Variants in CEBPZOS observed in about 807,000 individuals in gnomAD.
CEBPZOS encodes the protein CEBPZ opposite strand, also known as protein CEBPZOS.
In CEBPZOS, 10 loss-of-function variants were observed where a neutral mutation model predicts 4.8. That is an observed-to-expected ratio of 2.07 (90% CI 1.28 to 3.52). The LOEUF is 3.52. Among genes scored for constraint, CEBPZOS ranks in the 30% most tolerant of loss-of-function variants. CEBPZOS has a pLI of 0.00. For missense variants in CEBPZOS, 98 were observed against 43.6 expected, an observed-to-expected ratio of 2.25 and a Z score of -3.51; for synonymous variants, 25 against 14.2, an observed-to-expected ratio of 1.77 and a Z score of -1.72.
At chr2:37,211,055 G>C (rs1677706054) in intron 4 of CEBPZOS, 3 of 1,611,290 alleles carry the variant, frequency 1.9e-6, no homozygotes, top group Non-Finnish European at 2.5e-6. Flanking sequence ...GCTTTTCTTA[G>C]TACTGACTTT....
At chr2:37,206,595 T>A (rs1256362297), downstream of CEBPZOS, among the ~76,000 whole-genome samples, 1 of 152,154 alleles carries the variant, frequency 6.6e-6, no homozygotes, top group East Asian at 1.9e-4. Flanking sequence ...TGACTTCAGG[T>A]GATGCCCGCC....
Position 37,203,145 on chromosome 2 carries a change from C to T in CEBPZOS, c.*1285C>T. 3 of 540,090 alleles carry T rather than the reference C, an allele frequency of 5.6e-6. No homozygotes were observed. The highest frequency in any genetic ancestry group is 9.6e-6 in the Non-Finnish European group (3 of 313,106). The allele number at this position is 540,090 out of a possible 1,614,324, so 33.5% of individuals were successfully genotyped here. A position where few individuals can be genotyped will look rare whatever the true frequency, so the allele number is the denominator to read the frequency against. On this transcript the variant is annotated 3_prime_UTR_variant, in exon 5 of 5. Coordinates refer to ENST00000402297, the MANE Select transcript of CEBPZOS (RefSeq NM_001322374.2). Reference sequence around the variant, plus strand: ...ATAATCTTCTGGCACCATTGGGTAGCTGGCATTTAAATATAATTTAAGAGT... The same window carrying T: ...ATAATCTTCTGGCACCATTGGGTAGTTGGCATTTAAATATAATTTAAGAGT...
chr2:37,202,227 G>T lies in CEBPZOS; in HGVS notation c.*367G>T. Reference sequence around the variant, plus strand: ...ACTTCCCTAAAAAAAAGTAATTTTTGTAGTCTGCAAGGTTTTTTTTTTTTT... The same window carrying T: ...ACTTCCCTAAAAAAAAGTAATTTTTTTAGTCTGCAAGGTTTTTTTTTTTTT... On this transcript the variant is annotated 3_prime_UTR_variant, in exon 5 of 5. Transcript: ENST00000402297. The T allele has an allele frequency of 1.1e-5, 2 of 176,132 alleles. No homozygotes were observed. The highest frequency in any genetic ancestry group is 6.3e-5 in the Admixed American group (1 of 15,986). 10.9% of individuals were successfully genotyped at this position (176,132 alleles called of 1,614,324 possible).
intron 4 of CEBPZOS, chr2:37,210,883 ACCC>A: frequency 2.3e-6 from 1 of 438,192 alleles, no homozygotes; most frequent in Non-Finnish European, 3.9e-6. Context: ...CTTAAAAAGA[ACCC>A]CCCCCACCCC....
intron 4 of CEBPZOS, chr2:37,210,265 C>T (rs1392939209): frequency 6.6e-6 from 1 of 152,090 alleles, no homozygotes; most frequent in Non-Finnish European, 1.5e-5. Context: ...ATCTAGCAAT[C>T]CCACCACTGG....
chr2:37,199,448 A>G (rs186784080), intron 1 of CEBPZOS, among the ~76,000 whole-genome samples: 8 of 152,316 alleles, frequency 5.3e-5, no homozygotes, highest in Admixed American at 5.2e-4. Flanking sequence ...TGTTCTTTTT[A>G]CAACGCTTTC....
chr2:37,203,045 A>C lies in CEBPZOS; in HGVS notation c.*1185A>C, dbSNP rs762038069. On this transcript the variant is annotated 3_prime_UTR_variant, in exon 5 of 5. Coordinates refer to ENST00000402297, the MANE Select transcript of CEBPZOS (RefSeq NM_001322374.2). ...TGTAAGTCTACATTATTCAATTATAAATCTAATGATTTTAGAAAAATGCAA... is the reference window on the plus strand; with the variant it reads ...TGTAAGTCTACATTATTCAATTATACATCTAATGATTTTAGAAAAATGCAA... 1 of 1,353,476 alleles carries C rather than the reference A, an allele frequency of 7.4e-7. No individual in the cohort carries two copies. The highest frequency in any genetic ancestry group is 1.4e-5 in the South Asian group (1 of 69,014). The allele number at this position is 1,353,476 out of a possible 1,614,324, so 83.8% of individuals were successfully genotyped here. A position where few individuals can be genotyped will look rare whatever the true frequency, so the allele number is the denominator to read the frequency against.
Position 37,204,008 on chromosome 2 carries a change from G to GT in CEBPZOS, c.*2149dup, listed in dbSNP as rs1677417446. 1 of 152,102 alleles carries GT rather than the reference G, an allele frequency of 6.6e-6. No individual in the cohort carries two copies. The highest frequency in any genetic ancestry group is 1.5e-5 in the Non-Finnish European group (1 of 68,018). The allele number at this position is 152,102 out of a possible 1,614,324, so 9.4% of individuals were successfully genotyped here. On this transcript the variant is annotated 3_prime_UTR_variant, in exon 5 of 5. Transcript: ENST00000402297. ...TGTGAACAATCATGTACAAGTCTTT[G>GT]TATCAGAGCCACTTTTGATAAAATA...
rs1178165114 is a variant in CEBPZOS at position 37,202,764 on chromosome 2, A to C, written c.*904A>C. ...CAAAGCTATTTTTAAAACATCAATA[A>C]AAAAATTTAAGTTACTTACTTGCAT... On this transcript the variant is annotated 3_prime_UTR_variant, in exon 5 of 5. Coordinates refer to ENST00000402297, the MANE Select transcript of CEBPZOS (RefSeq NM_001322374.2). The C allele has an allele frequency of 2.0e-6, 3 of 1,478,536 alleles. No homozygotes were observed. The highest frequency in any genetic ancestry group is 1.4e-5 in the African/African-American group (1 of 69,324). 91.6% of individuals were successfully genotyped at this position (1,478,536 alleles called of 1,614,324 possible).
chr2:37,197,570 C>A (rs1198667782), intron 1 of CEBPZOS, among the ~76,000 whole-genome samples: 1 of 152,202 alleles, frequency 6.6e-6, no homozygotes, highest in Non-Finnish European at 1.5e-5. Flanking sequence ...ATTCCTTGAA[C>A]ATTAAAAATA....
downstream of CEBPZOS, chr2:37,209,550 C>T (rs1053094511): frequency 6.6e-6 from 1 of 152,050 alleles, no homozygotes; most frequent in African/African-American, 2.4e-5. Flanking sequence ...GAAAGGACAC[C>T]CTATTGAACC....
chr2:37,201,615 ATAAAT>A, intron 3 of CEBPZOS, 22 bp from the exon 4 acceptor site: 1 of 693,380 alleles, frequency 1.4e-6, no homozygotes, highest in Non-Finnish European at 2.6e-6. Context: ...ACATGACTTT[ATAAAT>A]GAGAGCTATT....
intron 1 of CEBPZOS, 40 bp downstream of exon 1, chr2:37,196,560 T>A (rs1676948284): frequency 6.6e-6 from 1 of 152,322 alleles, no homozygotes; most frequent in Non-Finnish European, 1.5e-5. Flanking sequence ...GCGGTCGGAT[T>A]TCGGGGTCCC....
downstream of CEBPZOS, chr2:37,209,531 CAA>C (rs1343765161): frequency 6.6e-6 from 1 of 152,032 alleles, no homozygotes; most frequent in Non-Finnish European, 1.5e-5. Flanking sequence ...TAAACAAAAA[CAA>C]AGTGGGGAAA....
intron 3 of CEBPZOS, 118 bp from the exon 4 acceptor site, chr2:37,201,524 T>A: frequency 1.6e-6 from 1 of 609,746 alleles, no homozygotes; most frequent in Middle Eastern, 4.5e-4. Flanking sequence ...AATCCTACTG[T>A]CCTCTTTTTC....
At chr2:37,205,769 T>C (rs1419078813), downstream of CEBPZOS, among the ~76,000 whole-genome samples, 1 of 152,246 alleles carries the variant, frequency 6.6e-6, no homozygotes, top group African/African-American at 2.4e-5. Flanking sequence ...ATCAAAAATC[T>C]TAAGACTGTC....
chr2:37,212,477 C>T, intron 4 of CEBPZOS: 4 of 1,152,944 alleles, frequency 3.5e-6, no homozygotes, highest in Non-Finnish European at 5.1e-6. Context: ...TATTCTAAGT[C>T]ATGATTCTGC....
At position 37,199,713 on chromosome 2, in the gene CEBPZOS, T is replaced by G. The variant is rs1205564497; in HGVS notation, c.9T>G (p.Arg3=). 7.0e-6 allele frequency: 5 copies of G among 717,342 alleles called. No individual in the cohort carries two copies. The highest frequency in any genetic ancestry group is 1.3e-5 in the Non-Finnish European group (5 of 385,068). The allele number at this position is 717,342 out of a possible 1,614,324, so 44.4% of individuals were successfully genotyped here. Residue 3 remains arginine, a synonymous_variant, in exon 2 of 5, where the codon CGT becomes CGG. Coordinates refer to ENST00000402297, the MANE Select transcript of CEBPZOS (RefSeq NM_001322374.2). The part of the protein sequence containing the change: MA[R]TLEPLAKKIF... ...CTGTTGTTAAATTTAGGATGGCCCG[T>G]ACTTTGGAACCACTAGCAAAGAAGA...
intron 4 of CEBPZOS, chr2:37,210,908 A>T: frequency 1.1e-5 from 7 of 629,836 alleles, no homozygotes; most frequent in Admixed American, 3.7e-5. Context: ...GAATTTTATT[A>T]ATCAAATTTA....
Sources: gnomAD v4.1 joint callset for allele counts (sites outside exome capture counted in the v4.1 genomes callset) on GRCh38, gnomAD v4.1.1 for gene constraint, MANE v1.5 for transcripts, NCBI Gene and HGNC (gene_info 2026-07-23, HGNC 2026-07-21) for gene names.